Variants in FGF4 observed in about 807,000 individuals in gnomAD.
FGF4 encodes the protein fibroblast growth factor 4, also known as heparin secretory transforming protein 1.
In FGF4, 9 loss-of-function variants were observed where a neutral mutation model predicts 15.7. The ratio of observed to expected loss-of-function variants is 0.57; its 90% CI spans 0.35 to 1.00. The LOEUF (loss-of-function observed/expected upper bound fraction) is 1.00, where lower values mean the gene tolerates loss of function less well. FGF4 is among the 50% of genes least tolerant of loss of function. The pLI is 0.02. For missense variants in FGF4, 286 were observed against 297.3 expected (o/e 0.96, Z 0.28); for synonymous variants, 164 against 144.8 (o/e 1.13, Z -0.95).
chr11:69,773,566 C>A, intron 2 of FGF4, 81 bp from the exon 3 acceptor site: 1 of 1,334,986 alleles, frequency 7.5e-7, no homozygotes, highest in Non-Finnish European at 1.1e-6. Context: ...TCAGAACCCC[C>A]TTCTGTCCCA....
At position 69,774,962 on chromosome 11, in the gene FGF4, G is replaced by T; in HGVS notation, c.123C>A (p.Ala41=). ...APTAPNGTLE[A]ELERRWESLV... ...GGCTCTCCCAGCGGCGCTCCAGCTC[G>T]GCCTCCAGCGTGCCGTTGGGTGCAG... The change falls in exon 1 of 3, where the codon GCC becomes GCA. Residue 41 remains alanine (A), a synonymous_variant. Transcript: ENST00000168712. The T allele has an allele frequency of 2.0e-6, 3 of 1,475,520 alleles. No homozygotes were observed. The highest frequency in any genetic ancestry group is 2.7e-6 in the Non-Finnish European group (3 of 1,121,100). The allele number at this position is 1,475,520 out of a possible 1,614,324, so 91.4% of individuals were successfully genotyped here.
Position 69,773,207 on chromosome 11 carries a change from C to A in FGF4, c.*102G>T. 1 of 831,988 alleles carries A rather than the reference C, an allele frequency of 1.2e-6. No homozygotes were observed. The highest frequency in any genetic ancestry group is 1.9e-6 in the Non-Finnish European group (1 of 517,642). The allele number at this position is 831,988 out of a possible 1,614,324, so 51.5% of individuals were successfully genotyped here. A position where few individuals can be genotyped will look rare whatever the true frequency, so the allele number is the denominator to read the frequency against. On this transcript the variant is annotated 3_prime_UTR_variant, in exon 3 of 3. Coordinates refer to ENST00000168712, the MANE Select transcript of FGF4 (RefSeq NM_002007.4). ...AATTAATTTAAATATCTTACACCTA[C>A]TCTTGCATTAAACTCTTCATCCGAA...
intron 2 of FGF4, 46 bp from the exon 3 acceptor site, chr11:69,773,531 A>C (rs1855601202): frequency 1.3e-6 from 2 of 1,597,490 alleles, no homozygotes; most frequent in Non-Finnish European, 1.7e-6. Flanking sequence ...CCTCTTGGGC[A>C]AGGTACCCAG....
In FGF4 at chr11:69,773,457, T is replaced by A. The variant is rs1179983115; in HGVS notation, c.473A>T (p.Lys158Met). The A allele has an allele frequency of 6.2e-7, 1 of 1,614,152 alleles. No individual in the cohort carries two copies. Among genetic ancestry groups the A allele is most frequent in the Non-Finnish European group, 8.5e-7 (1 of 1,180,014 alleles). ...SPFFTDECTFKEILLPNNYNA... is the reference protein window; with the variant it reads ...SPFFTDECTFMEILLPNNYNA... ...GTAGTTGTTGGGAAGGAGAATCTCC[T>A]TGAACGTGCACTCATCGGTGAAGAA... Residue 158 changes from lysine to methionine, a missense_variant, in exon 3 of 3, where the codon AAG becomes ATG. By Grantham distance (95) the Lys-to-Met change is moderately conservative. Transcript: ENST00000168712.
At position 69,772,357 on chromosome 11, in the gene FGF4, C is replaced by T. The variant is rs1239179596; in HGVS notation, c.*952G>A. 1 of 152,226 alleles carries T rather than the reference C, an allele frequency of 6.6e-6. No individual in the cohort carries two copies. Among genetic ancestry groups the T allele is most frequent in the Non-Finnish European group, 1.5e-5 (1 of 68,036 alleles). The allele number at this position is 152,226 out of a possible 1,614,324, so 9.4% of individuals were successfully genotyped here. A position where few individuals can be genotyped will look rare whatever the true frequency, so the allele number is the denominator to read the frequency against. On this transcript the variant is annotated 3_prime_UTR_variant, in exon 3 of 3. Transcript: ENST00000168712. Reference sequence around the variant, plus strand: ...TTGTACAATTACAAGGACATTTCACCTAAAAATCGTAGCTAGTTCTAGCCC... The same window carrying T: ...TTGTACAATTACAAGGACATTTCACTTAAAAATCGTAGCTAGTTCTAGCCC...
Position 69,775,152 on chromosome 11 carries a change from C to G in FGF4, c.-68G>C. The G allele has an allele frequency of 9.5e-7, 1 of 1,048,308 alleles. No individual in the cohort carries two copies. The highest frequency in any genetic ancestry group is 1.2e-6 in the Non-Finnish European group (1 of 815,092). The allele number at this position is 1,048,308 out of a possible 1,614,324, so 64.9% of individuals were successfully genotyped here. On this transcript the variant is annotated 5_prime_UTR_variant, in exon 1 of 3. Coordinates refer to ENST00000168712, the MANE Select transcript of FGF4 (RefSeq NM_002007.4). ...CGGGAAGCTGGGGGGCAGAGCTGCG[C>G]CTGTGGCGTCCCGCGGGAGCGCACG...
rs1020289342 is a variant in FGF4, at chr11:69,773,137, C to T, written c.*172G>A. The T allele has an allele frequency of 1.7e-5, 9 of 541,162 alleles. No individual in the cohort carries two copies. The highest frequency in any genetic ancestry group is 1.2e-4 in the East Asian group (4 of 33,366). 33.5% of individuals were successfully genotyped at this position (541,162 alleles called of 1,614,324 possible). ...CCCCCAGAAAATTAAAAAACACACC[C>T]GCAGAACTATAAATAATTTGGTGGC... On this transcript the variant is annotated 3_prime_UTR_variant, in exon 3 of 3. Transcript: ENST00000168712.
At chr11:69,774,452 G>A (rs1855614078) in intron 1 of FGF4, among the ~76,000 whole-genome samples, 1 of 152,170 alleles carries the variant, frequency 6.6e-6, no homozygotes, top group Admixed American at 6.5e-5. Flanking sequence ...GCCCCCTGTG[G>A]CTGCACCGCG....
chr11:69,774,039 G>GC lies in FGF4; in HGVS notation c.428dup (p.Lys144GlnfsTer11), dbSNP rs769726125. 5 of 1,612,904 alleles carry GC rather than the reference G, an allele frequency of 3.1e-6. No homozygotes were observed. In the Admixed American group the frequency reaches 6.7e-5, roughly 22 times the overall value. ...CGGTACTCACCGAGCCATAGAGCTT[G>GC]CCCTTGCTGCTCATGGCCACGAAGA... On this transcript the variant is annotated frameshift_variant, in exon 2 of 3. Coordinates refer to ENST00000168712, the MANE Select transcript of FGF4 (RefSeq NM_002007.4). LOFTEE classifies it high-confidence loss of function.
rs568759121 is a variant in FGF4 at position 69,771,822 on chromosome 11, C to A, written c.*1487G>T. Reference sequence around the variant, plus strand: ...TCCTAGGAGAGTATTAAAGTCTTGACGAAACATTCGGAGCATTTCTGGTAG... The same window carrying A: ...TCCTAGGAGAGTATTAAAGTCTTGAAGAAACATTCGGAGCATTTCTGGTAG... On this transcript the variant is annotated 3_prime_UTR_variant, in exon 3 of 3. Coordinates refer to ENST00000168712, the MANE Select transcript of FGF4 (RefSeq NM_002007.4). 1 of 152,140 alleles carries A rather than the reference C, an allele frequency of 6.6e-6. No homozygotes were observed. The highest frequency in any genetic ancestry group is 1.5e-5 in the Non-Finnish European group (1 of 68,034). The allele number at this position is 152,140 out of a possible 1,614,324, so 9.4% of individuals were successfully genotyped here. A position where few individuals can be genotyped will look rare whatever the true frequency, so the allele number is the denominator to read the frequency against.
chr11:69,772,842 A>G lies in FGF4; in HGVS notation c.*467T>C, dbSNP rs901985363. The G allele has an allele frequency of 5.3e-6, 1 of 187,256 alleles. No individual in the cohort carries two copies. The highest frequency in any genetic ancestry group is 2.4e-5 in the African/African-American group (1 of 42,368). The allele number at this position is 187,256 out of a possible 1,614,324, so 11.6% of individuals were successfully genotyped here. The stretch of plus-strand genomic sequence containing the variant: ...TCCCGATTAATAGCAACAGGGCACA[A>G]AGGGAGTGGGCCTCTGAGGATGCTA... On this transcript the variant is annotated 3_prime_UTR_variant, in exon 3 of 3. Coordinates refer to ENST00000168712, the MANE Select transcript of FGF4 (RefSeq NM_002007.4).
In FGF4 at chr11:69,774,080, C is replaced by G; in HGVS notation, c.388G>C (p.Gly130Arg). 6.2e-7 allele frequency: 1 copy of G among 1,612,990 alleles called. No homozygotes were observed. ...PVERGVVSIF[G>R]VASRFFVAMS... The stretch of plus-strand genomic sequence containing the variant: ...GCCACGAAGAACCGGCTGGCCACGC[C>G]GAAGATGCTCACCACGCCCCGCTCC... Residue 130 changes from glycine to arginine, a missense_variant, in exon 2 of 3, where the codon GGC (glycine) becomes CGC (arginine). Physicochemically the swap from Gly to Arg is moderately radical, Grantham distance 125. Transcript: ENST00000168712.
Position 69,771,126 on chromosome 11 carries a change from C to T in FGF4, c.*2183G>A, listed in dbSNP as rs1419865662. Reference sequence around the variant, plus strand: ...ATAAACGCTTATCATTGTCGGTCAGCATGTCAATGTGCACAGCACATACAT... The same window carrying T: ...ATAAACGCTTATCATTGTCGGTCAGTATGTCAATGTGCACAGCACATACAT... On this transcript the variant is annotated 3_prime_UTR_variant, in exon 3 of 3. Coordinates refer to ENST00000168712, the MANE Select transcript of FGF4 (RefSeq NM_002007.4). 6.6e-6 allele frequency: 1 copy of T among 152,230 alleles called. No homozygotes were observed. The highest frequency in any genetic ancestry group is 1.5e-5 in the Non-Finnish European group (1 of 68,048). The allele number at this position is 152,230 out of a possible 1,614,324, so 9.4% of individuals were successfully genotyped here.
At position 69,774,119 on chromosome 11, in the gene FGF4, C is replaced by T; in HGVS notation, c.349G>A (p.Glu117Lys). Residue 117 changes from glutamate (E) to lysine (K), a missense_variant, in exon 2 of 3, where the codon GAG becomes AAG. By Grantham distance (56) the Glu-to-Lys change is moderately conservative. Transcript: ENST00000168712. ...AHADTRDSLL[E>K]LSPVERGVVS... Reference sequence around the variant, plus strand: ...ACGCCCCGCTCCACGGGCGAGAGCTCCAGCAGGCCTGGGGGCGGGGCGCAG... The same window carrying T: ...ACGCCCCGCTCCACGGGCGAGAGCTTCAGCAGGCCTGGGGGCGGGGCGCAG... The T allele has an allele frequency of 1.2e-6, 2 of 1,611,800 alleles. No homozygotes were observed. The highest frequency in any genetic ancestry group is 1.7e-6 in the Non-Finnish European group (2 of 1,179,626).
At chr11:69,773,519 C>G (rs1313682778) in intron 2 of FGF4, 34 bp from the exon 3 acceptor site, 1 of 1,610,694 alleles carries the variant, frequency 6.2e-7, no homozygotes, top group Non-Finnish European at 8.5e-7. Context: ...AGGGCTGGGG[C>G]ACCTCTTGGG....
At position 69,771,831 on chromosome 11, in the gene FGF4, C is replaced by T. The variant is rs892068989; in HGVS notation, c.*1478G>A. The T allele has an allele frequency of 6.6e-6, 1 of 152,262 alleles. No individual in the cohort carries two copies. Among genetic ancestry groups the T allele is most frequent in the South Asian group, 2.1e-4 (1 of 4,820 alleles). 9.4% of individuals were successfully genotyped at this position (152,262 alleles called of 1,614,324 possible). ...AGTATTAAAGTCTTGACGAAACATT[C>T]GGAGCATTTCTGGTAGCAAGCTAAG... On this transcript the variant is annotated 3_prime_UTR_variant, in exon 3 of 3. Coordinates refer to ENST00000168712, the MANE Select transcript of FGF4 (RefSeq NM_002007.4).
Position 69,775,166 on chromosome 11 carries a change from C to CG in FGF4, c.-83dup. On this transcript the variant is annotated 5_prime_UTR_variant, in exon 1 of 3. Coordinates refer to ENST00000168712, the MANE Select transcript of FGF4 (RefSeq NM_002007.4). ...GCAGAGCTGCGCCTGTGGCGTCCCG[C>CG]GGGAGCGCACGGCCGACCTCGGGCA... 1.0e-6 allele frequency: 1 copy of CG among 958,032 alleles called. No homozygotes were observed. Among genetic ancestry groups the CG allele is most frequent in the Non-Finnish European group, 1.4e-6 (1 of 735,068 alleles). The allele number at this position is 958,032 out of a possible 1,614,324, so 59.3% of individuals were successfully genotyped here. A position where few individuals can be genotyped will look rare whatever the true frequency, so the allele number is the denominator to read the frequency against.
In FGF4 at chr11:69,775,069, TC is replaced by T; in HGVS notation, c.15del (p.Thr6ArgfsTer4). The T allele has an allele frequency of 7.5e-7, 1 of 1,340,854 alleles. No individual in the cohort carries two copies. Among genetic ancestry groups the T allele is most frequent in the Admixed American group, 4.1e-5 (1 of 24,324 alleles). The allele number at this position is 1,340,854 out of a possible 1,614,324, so 83.1% of individuals were successfully genotyped here. Reference protein sequence around the residue: MSGPGTAAVALLPAV... With the variant: MSGPXTAAVALLPAV... The stretch of plus-strand genomic sequence containing the variant: ...GCCGGGAGCAGCGCTACCGCGGCCG[TC>T]CCGGGCCCCGACATCCCGGCCCGAG... On this transcript the variant is annotated frameshift_variant, in exon 1 of 3. Transcript: ENST00000168712. LOFTEE classifies it high-confidence loss of function.
intron 1 of FGF4, 132 bp from the exon 2 acceptor site, chr11:69,774,259 G>T (rs1004265476): frequency 5.7e-6 from 4 of 700,366 alleles, no homozygotes; most frequent in Non-Finnish European, 9.5e-6. Flanking sequence ...CGGCGCAGCC[G>T]CCCCCAAGGG....
Sources: gnomAD v4.1 joint callset for allele counts (sites outside exome capture counted in the v4.1 genomes callset) on GRCh38, gnomAD v4.1.1 for gene constraint, MANE v1.5 for transcripts, NCBI Gene and HGNC (gene_info 2026-07-23, HGNC 2026-07-21) for gene names.